The following ADAMTS14 variants were observed in gnomAD, a reference collection of about 807,000 sequenced individuals.
ADAMTS14 encodes the protein A disintegrin and metalloproteinase with thrombospondin motifs 14.
In ADAMTS14, 100 loss-of-function variants were observed where a neutral mutation model predicts 128.6. That is an observed-to-expected ratio of 0.78 (90% CI 0.66 to 0.92). The LOEUF (loss-of-function observed/expected upper bound fraction) is 0.92, where lower values mean the gene tolerates loss of function less well. Ranked by LOEUF, ADAMTS14 falls within the 40% of genes least tolerant of loss-of-function variation. The probability of loss-of-function intolerance (pLI) is 0.00; values close to 1 mark genes in which losing one functional copy is unlikely to be tolerated. For synonymous variants in ADAMTS14, 665 were observed against 653.8 expected, an observed-to-expected ratio of 1.02 and a Z score of -0.26; for missense variants, 1,562 against 1,658.6, an observed-to-expected ratio of 0.94 and a Z score of 1.01.
chr10:70,705,321 G>C (rs571238464), intron 3 of ADAMTS14, among the ~76,000 whole-genome samples: 2 of 152,088 alleles, frequency 1.3e-5, no homozygotes, highest in African/African-American at 4.8e-5. Context: ...CTGGAGCCCC[G>C]TTCCCACCCC....
In ADAMTS14 at chr10:70,730,171, C is replaced by A. The variant is rs775185452; in HGVS notation, c.1024C>A (p.Gln342Lys). ...GCAGGTGTGTCGCTGGGCACACTCC[C>A]AGCAGCGCCAGGACCCCAGCCACGC... ...LEQVCRWAHS[Q>K]QRQDPSHAEH... Residue 342 changes from glutamine (Q) to lysine (K), a missense_variant, in exon 6 of 22, where the codon CAG becomes AAG. By Grantham distance (53) the Gln-to-Lys change is moderately conservative. Coordinates refer to ENST00000373207, the MANE Select transcript of ADAMTS14 (RefSeq NM_080722.4). The A allele has an allele frequency of 6.2e-7, 1 of 1,613,690 alleles. No homozygotes were observed. The highest frequency in any genetic ancestry group is 2.2e-5 in the East Asian group (1 of 44,888).
In ADAMTS14 at chr10:70,686,391, T is replaced by G. The variant is rs1190791522; in HGVS notation, c.522+11396T>G. Among the ~76,000 whole-genome samples the G allele has an allele frequency of 2.1e-3, 256 of 122,896 alleles. 2 individuals carry two copies. The highest frequency in any genetic ancestry group is 7.6e-3 in the African/African-American group (247 of 32,378). The allele number at this position is 122,896 out of a possible 152,430, so 80.6% of individuals were successfully genotyped here. On this transcript the variant is annotated intron_variant, in intron 2 of 21. Coordinates refer to ENST00000373207, the MANE Select transcript of ADAMTS14 (RefSeq NM_080722.4). Reference sequence around the variant, plus strand: ...GAGGGAAGGTCAGCAGATAAACAAGTGAACAAAGGTCTCTGGTTTTCCTAG... The same window carrying G: ...GAGGGAAGGTCAGCAGATAAACAAGGGAACAAAGGTCTCTGGTTTTCCTAG...
chr10:70,730,317 T>A, intron 6 of ADAMTS14, 68 bp downstream of exon 6: 3 of 1,540,960 alleles, frequency 1.9e-6, no homozygotes, highest in Non-Finnish European at 8.8e-7. Flanking sequence ...AGGCTGGGCC[T>A]GGAGGCAGAT....
intron 2 of ADAMTS14, among the ~76,000 whole-genome samples, chr10:70,692,588 C>A (rs1840223291): frequency 6.6e-6 from 1 of 152,216 alleles, no homozygotes; most frequent in South Asian, 2.1e-4. Context: ...GTGGTAGGCA[C>A]ACACTCTGTG....
At chr10:70,741,262 G>A (rs1303268184) in intron 12 of ADAMTS14, 100 bp downstream of exon 12, 4 of 1,405,618 alleles carry the variant, frequency 2.8e-6, no homozygotes, top group Non-Finnish European at 3.9e-6. Context: ...CACCAGTGAA[G>A]GTGGAGGGAC....
rs1399477929 is a variant in ADAMTS14, at chr10:70,674,740, T to A, written c.267T>A (p.Pro89=). The change falls in exon 2 of 22, where the codon CCT becomes CCA. Residue 89 remains proline (P), a synonymous_variant. Transcript: ENST00000373207. ...HSSHLRVARS[P]LHPGGTLWPG... Reference sequence around the variant, plus strand: ...GTCACCTCCGGGTGGCTCGCAGCCCTCTGCACCCAGGAGGGACCCTGTGGC... The same window carrying A: ...GTCACCTCCGGGTGGCTCGCAGCCCACTGCACCCAGGAGGGACCCTGTGGC... 1 of 1,613,496 alleles carries A rather than the reference T, an allele frequency of 6.2e-7. No individual in the cohort carries two copies. Among genetic ancestry groups the A allele is most frequent in the Non-Finnish European group, 8.5e-7 (1 of 1,179,970 alleles).
chr10:70,733,837 G>A (rs1404703102), intron 7 of ADAMTS14, 48 bp from the exon 8 acceptor site: 1 of 1,570,916 alleles, frequency 6.4e-7, no homozygotes, highest in South Asian at 1.2e-5. Context: ...GCCTTCCCGG[G>A]GCAGGCTCCT....
At chr10:70,721,476 C>G (rs921116270) in intron 4 of ADAMTS14, among the ~76,000 whole-genome samples, 2 of 151,924 alleles carry the variant, frequency 1.3e-5, no homozygotes, top group Non-Finnish European at 1.5e-5. Context: ...AGCTCTGCCT[C>G]CCAGGTTCAC....
Position 70,741,110 on chromosome 10 carries a change from C to A in ADAMTS14, c.1872C>A (p.Tyr624Ter). ...AGCAGTGTGCCAAGCGCAACTCCTACTATGTGCACCAGAATGCCAAGCACA... is the reference window on the plus strand; with the variant it reads ...AGCAGTGTGCCAAGCGCAACTCCTAATATGTGCACCAGAATGCCAAGCACA... The part of the protein sequence containing the change: ...RAQQCAKRNS[Y>*]YVHQNAKHSW... Residue 624 changes from tyrosine (Y) to a stop codon, truncating the protein, a stop_gained, in exon 12 of 22, where the codon TAC becomes TAA. Transcript: ENST00000373207. LOFTEE classifies it high-confidence loss of function. 6.2e-7 allele frequency: 1 copy of A among 1,613,914 alleles called. No homozygotes were observed. Among genetic ancestry groups the A allele is most frequent in the Non-Finnish European group, 8.5e-7 (1 of 1,180,000 alleles).
In ADAMTS14 at chr10:70,745,268, T is replaced by A; in HGVS notation, c.2225T>A (p.Ile742Asn). The change falls in exon 15 of 22, where the codon ATC (isoleucine) becomes AAC (asparagine). Residue 742 changes from isoleucine (I) to asparagine (N), a missense_variant. Physicochemically the swap from Ile to Asn is moderately radical, Grantham distance 149. Coordinates refer to ENST00000373207, the MANE Select transcript of ADAMTS14 (RefSeq NM_080722.4). ...CAGATCCCAGCAGGTGCCAGGCACA[T>A]CCAGATTGAGGCACTGGAGAAGTCC... ...LVQIPAGARH[I>N]QIEALEKSPH... 1.2e-6 allele frequency: 2 copies of A among 1,612,616 alleles called. No individual in the cohort carries two copies. Among genetic ancestry groups the A allele is most frequent in the Non-Finnish European group, 1.7e-6 (2 of 1,179,958 alleles).
intron 6 of ADAMTS14, among the ~76,000 whole-genome samples, chr10:70,731,904 A>G (rs1841651169): frequency 6.6e-6 from 1 of 151,574 alleles, no homozygotes; most frequent in African/African-American, 2.4e-5. Flanking sequence ...GCTGCCCCCA[A>G]CTCCTGCATA....
chr10:70,717,875 T>C (rs1379188610), intron 4 of ADAMTS14, among the ~76,000 whole-genome samples: 1 of 152,162 alleles, frequency 6.6e-6, no homozygotes, highest in Non-Finnish European at 1.5e-5. Context: ...TTGGGGTGGT[T>C]GCCGGGACAA....
At chr10:70,723,664 G>A (rs1195463765) in intron 4 of ADAMTS14, among the ~76,000 whole-genome samples, 2 of 152,194 alleles carry the variant, frequency 1.3e-5, no homozygotes, top group Non-Finnish European at 2.9e-5. Context: ...CTGTTTGAGC[G>A]CGGGTGGGCT....
intron 4 of ADAMTS14, among the ~76,000 whole-genome samples, chr10:70,712,045 T>C (rs1192413166): frequency 1.3e-5 from 2 of 150,644 alleles, no homozygotes; most frequent in African/African-American, 4.9e-5. Flanking sequence ...ATGGAGTTGT[T>C]TGAGAAAGAG....
At chr10:70,752,041 G>C in intron 17 of ADAMTS14, 54 bp from the exon 18 acceptor site, 1 of 1,574,050 alleles carries the variant, frequency 6.4e-7, no homozygotes, top group Non-Finnish European at 8.6e-7. Context: ...GGCCCCACCA[G>C]GGCAATGGGG....
intron 2 of ADAMTS14, among the ~76,000 whole-genome samples, chr10:70,701,829 A>G (rs902889634): frequency 1.3e-5 from 2 of 152,048 alleles, no homozygotes; most frequent in Non-Finnish European, 2.9e-5. Flanking sequence ...AGCGCTTCAT[A>G]TTGGAGTGGG....
rs995392561 is a variant in ADAMTS14 at position 70,681,903 on chromosome 10, C to A, written c.522+6908C>A. 3.9e-5 allele frequency among the ~76,000 whole-genome samples: 6 copies of A among 152,220 alleles called. No homozygotes were observed. In the East Asian group the frequency reaches 7.7e-4, roughly 20 times the overall value. On this transcript the variant is annotated intron_variant, in intron 2 of 21. Transcript: ENST00000373207. The stretch of plus-strand genomic sequence containing the variant: ...GTGTGTGGCCCCACATTGGTGCAGA[C>A]CTTGCTGCCTTGCTGACCTGCCTCT...
In ADAMTS14 at chr10:70,741,153, C is replaced by A. The variant is rs754888306; in HGVS notation, c.1915C>A (p.Pro639Thr). The change falls in exon 12 of 22, where the codon CCT becomes ACT. Residue 639 changes from proline to threonine, a missense_variant. Pro to Thr is a conservative substitution (Grantham distance 38). Coordinates refer to ENST00000373207, the MANE Select transcript of ADAMTS14 (RefSeq NM_080722.4). Reference sequence around the variant, plus strand: ...CAAGCACAGCTGGGTGCCCTACGAGCCTGACGATGGTGAGTGGGCCCCACC... The same window carrying A: ...CAAGCACAGCTGGGTGCCCTACGAGACTGACGATGGTGAGTGGGCCCCACC... ...NAKHSWVPYEPDDDAQKCELI... is the reference protein window; with the variant it reads ...NAKHSWVPYETDDDAQKCELI... 3.1e-6 allele frequency: 5 copies of A among 1,612,810 alleles called. No homozygotes were observed. Among genetic ancestry groups the A allele is most frequent in the Non-Finnish European group, 4.2e-6 (5 of 1,179,494 alleles).
At chr10:70,714,168 G>A (rs1258896842) in intron 4 of ADAMTS14, among the ~76,000 whole-genome samples, 1 of 152,032 alleles carries the variant, frequency 6.6e-6, no homozygotes, top group Non-Finnish European at 1.5e-5. Flanking sequence ...ACTCCACCCT[G>A]GCCAACAGAA....
Sources: gnomAD v4.1 joint callset for allele counts (sites outside exome capture counted in the v4.1 genomes callset) on GRCh38, gnomAD v4.1.1 for gene constraint, MANE v1.5 for transcripts, NCBI Gene and HGNC (gene_info 2026-07-23, HGNC 2026-07-21) for gene names.